TNRC6B: variants seen among roughly 807,000 people sequenced by gnomAD.
The protein encoded by TNRC6B is trinucleotide repeat-containing gene 6B protein.
A neutral mutation model predicts 203.6 loss-of-function variants in TNRC6B; 52 were observed. That is an observed-to-expected ratio of 0.26 (90% CI 0.20 to 0.32). The LOEUF (loss-of-function observed/expected upper bound fraction) is 0.32. TNRC6B is among the 10% of genes least tolerant of loss of function. The pLI is 1.00. For missense variants in TNRC6B, 1,923 were observed against 2,286.2 expected, an observed-to-expected ratio of 0.84 and a Z score of 3.24; for synonymous variants, 838 against 845.7, an observed-to-expected ratio of 0.99 and a Z score of 0.16.
At chr22:40,305,476 G>A (rs951344758) in intron 15 of TNRC6B, among the ~76,000 whole-genome samples, 8 of 152,162 alleles carry the variant, frequency 5.3e-5, no homozygotes, top group African/African-American at 1.2e-4. Context: ...GGTCACTAGC[G>A]AAGCACCATC....
At chr22:40,077,233 A>C (rs922567453) in intron 1 of TNRC6B, among the ~76,000 whole-genome samples, 3 of 152,074 alleles carry the variant, frequency 2.0e-5, no homozygotes, top group African/African-American at 7.2e-5. Context: ...GGTAGTCTGC[A>C]TAGGTTATCT....
At chr22:40,053,170 A>AC (rs1248724977) in intron 1 of TNRC6B, among the ~76,000 whole-genome samples, 4 of 152,046 alleles carry the variant, frequency 2.6e-5, no homozygotes, top group African/African-American at 9.7e-5. Flanking sequence ...TAAAAAAAAA[A>AC]AAAAAAAACT....
At position 40,251,208 on chromosome 22, in the gene TNRC6B, CT is replaced by C. The variant is rs1601920710; in HGVS notation, c.115+16del. 1.2e-5 allele frequency: 18 copies of C among 1,523,908 alleles called. No individual in the cohort carries two copies. The highest frequency in any genetic ancestry group is 4.1e-5 in the Admixed American group (2 of 48,972). The allele number at this position is 1,523,908 out of a possible 1,614,324, so 94.4% of individuals were successfully genotyped here. A position where few individuals can be genotyped will look rare whatever the true frequency, so the allele number is the denominator to read the frequency against. ...CGGAACAAAAAACCAAAGGTAAGAT[CT>C]TTTTTTTCTTTTTAAATTATTTAGA... On this transcript the variant is annotated intron_variant, in intron 3 of 22. Transcript: ENST00000454349.
chr22:40,202,736 G>A (rs980211495), intron 1 of TNRC6B, among the ~76,000 whole-genome samples: 1 of 152,026 alleles, frequency 6.6e-6, no homozygotes, highest in African/African-American at 2.4e-5. Flanking sequence ...TCCATGTGTC[G>A]AGTGCCTGCT....
chr22:40,308,725 A>G, intron 16 of TNRC6B, 76 bp downstream of exon 16: 2 of 1,492,918 alleles, frequency 1.3e-6, no homozygotes, highest in Non-Finnish European at 9.0e-7. Flanking sequence ...ACTATTTTGA[A>G]GTACAGAACT....
intron 1 of TNRC6B, among the ~76,000 whole-genome samples, chr22:40,088,185 G>GGT (rs2068117087): frequency 1.3e-5 from 2 of 152,016 alleles, no homozygotes; most frequent in Admixed American, 1.3e-4. Flanking sequence ...GACCTTATAA[G>GGT]GTGGATATTT....
intron 1 of TNRC6B, among the ~76,000 whole-genome samples, chr22:40,059,355 C>G (rs1206882591): frequency 6.6e-6 from 1 of 152,156 alleles, no homozygotes; most frequent in Non-Finnish European, 1.5e-5. Context: ...TTCATTAGTT[C>G]TAATGGCATT....
chr22:40,328,406 A>G lies in TNRC6B; in HGVS notation c.*5165A>G, dbSNP rs2071428140. 6.6e-6 allele frequency: 1 copy of G among 152,248 alleles called. No homozygotes were observed. The highest frequency in any genetic ancestry group is 1.5e-5 in the Non-Finnish European group (1 of 68,048). 9.4% of individuals were successfully genotyped at this position (152,248 alleles called of 1,614,324 possible). On this transcript the variant is annotated 3_prime_UTR_variant, in exon 23 of 23. Transcript: ENST00000454349. ...ATGGTATAGAAGGTATGCAAGAGGAAAAAGAAAGGAAAAGATAAAACTCCT... is the reference window on the plus strand; with the variant it reads ...ATGGTATAGAAGGTATGCAAGAGGAGAAAGAAAGGAAAAGATAAAACTCCT...
chr22:40,151,470 G>T (rs1025316961), intron 3 of TNRC6B, among the ~76,000 whole-genome samples: 1 of 149,366 alleles, frequency 6.7e-6, no homozygotes, highest in African/African-American at 2.5e-5. Context: ...AAGCGGAGAA[G>T]CAGAGGTTGC....
intron 1 of TNRC6B, among the ~76,000 whole-genome samples, chr22:40,230,636 A>G (rs1472756886): frequency 1.3e-5 from 2 of 152,108 alleles, no homozygotes; most frequent in African/African-American, 2.4e-5. Flanking sequence ...TACTGTGTAT[A>G]TAAATTCTTT....
intron 1 of TNRC6B, among the ~76,000 whole-genome samples, chr22:40,181,646 C>T (rs930852127): frequency 2.0e-5 from 3 of 152,158 alleles, no homozygotes; most frequent in Non-Finnish European, 4.4e-5. Flanking sequence ...TTTAAAATTT[C>T]TTAAAGAAGC....
At chr22:40,285,418 T>G (rs957923037) in intron 11 of TNRC6B, among the ~76,000 whole-genome samples, 2 of 152,236 alleles carry the variant, frequency 1.3e-5, no homozygotes, top group Non-Finnish European at 2.9e-5. Context: ...TTGATGACAT[T>G]GAACCCTTTC....
At chr22:40,253,271 T>G (rs1470785038) in intron 3 of TNRC6B, among the ~76,000 whole-genome samples, 2 of 150,810 alleles carry the variant, frequency 1.3e-5, no homozygotes, top group East Asian at 3.9e-4. Flanking sequence ...TTTGTATTTT[T>G]AGTAGAGACG....
chr22:40,048,427 G>A (rs1008091870), intron 1 of TNRC6B, among the ~76,000 whole-genome samples: 3 of 151,890 alleles, frequency 2.0e-5, no homozygotes, highest in East Asian at 1.9e-4. Flanking sequence ...TGTAGTCCCA[G>A]TTACTCGGGA....
intron 4 of TNRC6B, among the ~76,000 whole-genome samples, chr22:40,170,424 ATT>A (rs2068965820): frequency 4.2e-5 from 1 of 23,778 alleles, no homozygotes; most frequent in Non-Finnish European, 5.8e-5. Flanking sequence ...TTATATATAT[ATT>A]ATATATATAG....
chr22:40,285,003 A>G (rs1267214293), intron 11 of TNRC6B, among the ~76,000 whole-genome samples: 2 of 152,164 alleles, frequency 1.3e-5, no homozygotes, highest in Non-Finnish European at 1.5e-5. Context: ...CTTATTTTTA[A>G]CTAGACTGAT....
chr22:40,272,307 G>T (rs1055218449), intron 6 of TNRC6B, among the ~76,000 whole-genome samples: 8 of 152,158 alleles, frequency 5.3e-5, no homozygotes, highest in Non-Finnish European at 8.8e-5. Flanking sequence ...GGCCTTGCTA[G>T]GGGATGAGAT....
Position 40,178,041 on chromosome 22 carries a change from A to G in TNRC6B, c.-95A>G. ...CTGAATATTTAAAATACAAAAAAACAGATAGACAAAAAGAATTCATTTTTT... is the reference window on the plus strand; with the variant it reads ...CTGAATATTTAAAATACAAAAAAACGGATAGACAAAAAGAATTCATTTTTT... On this transcript the variant is annotated 5_prime_UTR_variant, in exon 1 of 23. Coordinates refer to ENST00000454349, the MANE Select transcript of TNRC6B (RefSeq NM_001162501.2). 6.3e-7 allele frequency: 1 copy of G among 1,581,772 alleles called. No homozygotes were observed. Among genetic ancestry groups the G allele is most frequent in the Non-Finnish European group, 8.5e-7 (1 of 1,169,786 alleles).
chr22:40,133,897 G>C (rs1412436012), intron 3 of TNRC6B, among the ~76,000 whole-genome samples: 1 of 148,498 alleles, frequency 6.7e-6, no homozygotes, highest in Admixed American at 6.9e-5. Flanking sequence ...TTGAACCCAG[G>C]AGGCGGAGGT....
Sources: allele counts gnomAD v4.1 joint callset (sites outside exome capture counted in the v4.1 genomes callset), GRCh38; gene constraint gnomAD v4.1.1; transcripts MANE v1.5; gene names NCBI Gene and HGNC (gene_info 2026-07-23, HGNC 2026-07-21).